TSHZ2: variants seen among roughly 807,000 people sequenced by gnomAD.
TSHZ2 encodes teashirt zinc finger homeobox 2.
In TSHZ2, 21 loss-of-function variants were observed where a neutral mutation model predicts 74.4. The observed-to-expected ratio is 0.28, with a 90% CI of 0.20 to 0.41. The LOEUF is 0.41. Among genes scored for constraint, TSHZ2 ranks in the 10% least tolerant of loss-of-function variants. TSHZ2 has a pLI of 1.00. For synonymous variants in TSHZ2, 540 were observed against 515.3 expected, an observed-to-expected ratio of 1.05 and a Z score of -0.65; for missense variants, 1,244 against 1,293.5, an observed-to-expected ratio of 0.96 and a Z score of 0.59.
At chr20:53,470,769 C>A (rs372572573) in intron 2 of TSHZ2, among the ~76,000 whole-genome samples, 1 of 151,950 alleles carries the variant, frequency 6.6e-6, no homozygotes, top group East Asian at 1.9e-4. Flanking sequence ...GCGGAGATTG[C>A]GCCACTGCAC....
Position 53,254,133 on chromosome 20 carries a change from C to T in TSHZ2, c.675C>T (p.Asp225=). The T allele has an allele frequency of 1.2e-6, 2 of 1,614,130 alleles. No homozygotes were observed. Among genetic ancestry groups the T allele is most frequent in the Non-Finnish European group, 8.5e-7 (1 of 1,180,030 alleles). The part of the protein sequence containing the change: ...FRCRQCSAAY[D]TLVELTVHMN... ...GCCGACAGTGCAGCGCGGCCTATGA[C>T]ACCCTAGTCGAGCTGACTGTGCACA... is the stretch of plus-strand genomic sequence containing the variant. The change falls in exon 2 of 3, where the codon GAC becomes GAT. Residue 225 remains aspartate (D), a synonymous_variant. Transcript: ENST00000371497.
At chr20:53,052,556 C>T (rs1984509212) in intron 1 of TSHZ2, among the ~76,000 whole-genome samples, 1 of 152,104 alleles carries the variant, frequency 6.6e-6, no homozygotes, top group Non-Finnish European at 1.5e-5. Context: ...TCCCTGGGGC[C>T]TAAAAGGGTT....
intron 1 of TSHZ2, among the ~76,000 whole-genome samples, chr20:53,221,662 G>A (rs1402436180): frequency 2.0e-5 from 3 of 152,168 alleles, no homozygotes; most frequent in Non-Finnish European, 4.4e-5. Flanking sequence ...GAAAGAGACA[G>A]AAAGGTTAAA....
chr20:53,361,381 G>A (rs1981047042), intron 2 of TSHZ2, among the ~76,000 whole-genome samples: 1 of 152,242 alleles, frequency 6.6e-6, no homozygotes, highest in Middle Eastern at 3.2e-3. Flanking sequence ...TCCTCTGGAA[G>A]AAATTACAAC....
intron 1 of TSHZ2, among the ~76,000 whole-genome samples, chr20:53,012,329 T>G (rs1234423621): frequency 1.3e-5 from 2 of 152,138 alleles, no homozygotes; most frequent in South Asian, 4.1e-4. Flanking sequence ...CCTTCTCTGG[T>G]CCCTTACTCC....
chr20:53,332,337 T>A (rs1404446557), intron 2 of TSHZ2, among the ~76,000 whole-genome samples: 1 of 151,886 alleles, frequency 6.6e-6, no homozygotes, highest in African/African-American at 2.4e-5. Context: ...CAAAGAAGAA[T>A]GTCAAAGGCA....
chr20:53,005,320 A>G (rs1982602654), intron 1 of TSHZ2, among the ~76,000 whole-genome samples: 1 of 152,124 alleles, frequency 6.6e-6, no homozygotes, highest in Non-Finnish European at 1.5e-5. Context: ...TCAAAAGTAA[A>G]TAAATAAATA....
At position 53,040,561 on chromosome 20, in the gene TSHZ2, G is replaced by A. The variant is rs539222376; in HGVS notation, c.40+67228G>A. Among the ~76,000 whole-genome samples the A allele has an allele frequency of 5.3e-4, 74 of 139,692 alleles. No individual in the cohort carries two copies. The South Asian group carries it at 0.014, about 27-fold the overall frequency. The allele number at this position is 139,692 out of a possible 152,430, so 91.6% of individuals were successfully genotyped here. On this transcript the variant is annotated intron_variant, in intron 1 of 2. Transcript: ENST00000371497. ...TCTGAGTGCAGTTTGCTCCCACCCC[G>A]TCCCCCCACCCATCATTGCTGCATC...
chr20:53,141,714 C>G (rs899400303), intron 1 of TSHZ2, among the ~76,000 whole-genome samples: 26 of 152,352 alleles, frequency 1.7e-4, no homozygotes, highest in African/African-American at 6.3e-4. Context: ...AGTGTGTCTA[C>G]TGTTTCCTGC....
intron 2 of TSHZ2, among the ~76,000 whole-genome samples, chr20:53,285,020 G>A (rs1217944026): frequency 2.0e-5 from 3 of 152,174 alleles, no homozygotes; most frequent in Non-Finnish European, 2.9e-5. Context: ...ACGTTCTGAA[G>A]CTGTTCAGCA....
At chr20:53,103,292 A>G (rs1303089233) in intron 1 of TSHZ2, among the ~76,000 whole-genome samples, 1 of 152,168 alleles carries the variant, frequency 6.6e-6, no homozygotes, top group African/African-American at 2.4e-5. Context: ...TTTTGGTTCT[A>G]CTTCTCTCTT....
intron 2 of TSHZ2, among the ~76,000 whole-genome samples, chr20:53,392,242 C>T (rs921277528): frequency 2.6e-5 from 4 of 152,032 alleles, no homozygotes; most frequent in Non-Finnish European, 1.5e-5. Context: ...GTTGGGAGTT[C>T]AAGACCAGCC....
intron 1 of TSHZ2, among the ~76,000 whole-genome samples, chr20:53,203,565 A>G (rs1245589632): frequency 6.6e-6 from 1 of 152,044 alleles, no homozygotes. Flanking sequence ...TAAATGAGAC[A>G]TGAGAGGCTA....
intron 1 of TSHZ2, among the ~76,000 whole-genome samples, chr20:53,097,282 C>T (rs1167323938): frequency 6.6e-6 from 1 of 152,148 alleles, no homozygotes; most frequent in Non-Finnish European, 1.5e-5. Flanking sequence ...TTTTATTCCC[C>T]AGAGCTGGTC....
intron 1 of TSHZ2, among the ~76,000 whole-genome samples, chr20:53,082,800 G>A (rs895010752): frequency 3.9e-5 from 6 of 152,202 alleles, no homozygotes; most frequent in African/African-American, 1.2e-4. Flanking sequence ...CACAAAGTCC[G>A]TTATGGGAAG....
At chr20:53,455,856 C>T (rs893811405) in intron 2 of TSHZ2, among the ~76,000 whole-genome samples, 1 of 151,706 alleles carries the variant, frequency 6.6e-6, no homozygotes, top group African/African-American at 2.4e-5. Context: ...TGATGGTTTC[C>T]AATTTCATCC....
At chr20:53,083,929 T>C (rs1486301509) in intron 1 of TSHZ2, among the ~76,000 whole-genome samples, 1 of 152,166 alleles carries the variant, frequency 6.6e-6, no homozygotes, top group Non-Finnish European at 1.5e-5. Flanking sequence ...TTTAACATCA[T>C]TTGATTTATC....
rs760971456 is a variant in TSHZ2 at position 53,255,850 on chromosome 20, A to G, written c.2392A>G (p.Met798Val). The change falls in exon 2 of 3, where the codon ATG (methionine) becomes GTG (valine). Residue 798 changes from methionine to valine, a missense_variant. Physicochemically the swap from Met to Val is conservative, Grantham distance 21. Around this residue, in one of 6 missense-constraint regions of TSHZ2, gnomAD observed 562 missense variants for 544.0 expected, o/e 1.03. Transcript: ENST00000371497. The surrounding 1 kb of genome is among the most constrained non-coding windows in gnomAD (Gnocchi z 4.1). ...QKHALSDIADMVKVLPKATTP... is the reference protein window; with the variant it reads ...QKHALSDIADVVKVLPKATTP... ...GCACGCTCTGTCTGACATCGCCGAC[A>G]TGGTCAAAGTCCTCCCCAAAGCCAC... 7 of 1,611,630 alleles carry G rather than the reference A, an allele frequency of 4.3e-6. No homozygotes were observed. The highest frequency in any genetic ancestry group is 4.5e-5 in the East Asian group (2 of 44,844).
chr20:53,345,148 G>A (rs1209106309), intron 2 of TSHZ2, among the ~76,000 whole-genome samples: 3 of 152,246 alleles, frequency 2.0e-5, no homozygotes, highest in Non-Finnish European at 4.4e-5. Context: ...GTTGAGACTT[G>A]AGGAAGAGGC....
Sources: allele counts gnomAD v4.1 joint callset (sites outside exome capture counted in the v4.1 genomes callset), GRCh38; gene constraint gnomAD v4.1.1; regional missense constraint gnomAD v4.1.1; non-coding constraint Gnocchi (gnomAD v3.1); transcripts MANE v1.5; gene names NCBI Gene and HGNC (gene_info 2026-07-23, HGNC 2026-07-21).